Variants in FASN observed in about 807,000 individuals in gnomAD.
FASN encodes fatty acid synthase.
FASN carries 50 observed loss-of-function variants against 250.0 expected under a neutral mutation model. The ratio of observed to expected loss-of-function variants is 0.20; its 90% CI spans 0.16 to 0.25. The LOEUF is 0.25. FASN is among the 10% of genes least tolerant of loss of function. FASN has a pLI of 1.00. For missense variants in FASN, 3,031 were observed against 3,498.5 expected, an observed-to-expected ratio of 0.87 and a Z score of 3.37; for synonymous variants, 1,909 against 1,584.0, an observed-to-expected ratio of 1.21 and a Z score of -4.87.
intron 1 of FASN, chr17:82,096,856 G>T (rs2034313525): frequency 3.1e-6 from 1 of 326,838 alleles, no homozygotes; most frequent in Non-Finnish European, 6.0e-6. Context: ...GGGGCTCACA[G>T]TGAGGAGCAG....
intron 41 of FASN, chr17:82,079,880 G>A: frequency 1.6e-6 from 1 of 625,784 alleles, no homozygotes; most frequent in South Asian, 2.0e-5. Context: ...GCTAATTTTT[G>A]TATTTTTAGT....
At chr17:82,097,028 C>T (rs891612709) in intron 1 of FASN, among the ~76,000 whole-genome samples, 1 of 152,312 alleles carries the variant, frequency 6.6e-6, no homozygotes, top group East Asian at 1.9e-4. Flanking sequence ...GGTGGGGGCC[C>T]GCTGTCCAGG....
At chr17:82,089,198 G>C (rs1021547500) in intron 13 of FASN, 26 bp from the exon 14 acceptor site, 1 of 1,601,956 alleles carries the variant, frequency 6.2e-7, no homozygotes, top group Admixed American at 1.7e-5. Flanking sequence ...GGTCAGTGCT[G>C]GGTTGTGGGT....
In FASN at chr17:82,090,474, C is replaced by T; in HGVS notation, c.1771G>A (p.Asp591Asn). The T allele has an allele frequency of 6.2e-7, 1 of 1,608,384 alleles. No individual in the cohort carries two copies. ...GCCTCCTCCTGGGACAGGCAGCCGT[C>T]GGCGTAGCCACAGGCCACCTCCCCC... is the stretch of plus-strand genomic sequence containing the variant. ...SLGEVACGYA[D>N]GCLSQEEAVL... Residue 591 changes from aspartate to asparagine, a missense_variant, in exon 11 of 43, where the codon GAC (aspartate) becomes AAC (asparagine). Coordinates refer to ENST00000306749, the MANE Select transcript of FASN (RefSeq NM_004104.5).
chr17:82,091,847 G>C (rs572975121), intron 8 of FASN, among the ~76,000 whole-genome samples, 163 bp from the exon 9 acceptor site: 103 of 152,272 alleles, frequency 6.8e-4, no homozygotes, highest in Non-Finnish European at 1.3e-3. Context: ...ACAGGGGTCC[G>C]AGGACTGAGC....
At chr17:82,081,900 CA>C in intron 36 of FASN, 57 bp from the exon 37 acceptor site, 2 of 339,186 alleles carry the variant, frequency 5.9e-6, no homozygotes, top group Non-Finnish European at 9.6e-6. Flanking sequence ...GGGGAGTGGC[CA>C]CTGGGAGAGG....
At position 82,086,008 on chromosome 17, in the gene FASN, C is replaced by T. The variant is rs537503160; in HGVS notation, c.3733-137G>A. ...CTGATGACGGTGCCAGCCATGGGCA[C>T]GCATGGATGCCACTGGTCTTGTCCC... On this transcript the variant is annotated intron_variant, in intron 22 of 42. Transcript: ENST00000306749. 66 of 1,235,500 alleles carry T rather than the reference C, an allele frequency of 5.3e-5. No homozygotes were observed. The East Asian group carries it at 8.1e-4, about 15-fold the overall frequency. The allele number at this position is 1,235,500 out of a possible 1,614,324, so 76.5% of individuals were successfully genotyped here.
chr17:82,091,661 C>A lies in FASN; in HGVS notation c.1053G>T (p.Gly351=). Residue 351 remains glycine, a synonymous_variant, in exon 9 of 43, where the codon GGG becomes GGT. Coordinates refer to ENST00000306749, the MANE Select transcript of FASN (RefSeq NM_004104.5). Reference sequence around the variant, plus strand: ...GGAAGTGCAGGTTGGGGGCCCAGAGCCCGTGCTCCAGGGACAGCAGCACCT... The same window carrying A: ...GGAAGTGCAGGTTGGGGGCCCAGAGACCGTGCTCCAGGGACAGCAGCACCT... ...LAKVLLSLEH[G]LWAPNLHFHS... 3 of 1,591,006 alleles carry A rather than the reference C, an allele frequency of 1.9e-6. No homozygotes were observed. Among genetic ancestry groups the A allele is most frequent in the South Asian group, 2.3e-5 (2 of 87,554 alleles).
chr17:82,093,972 C>G (rs1040366954), intron 3 of FASN: 9 of 634,476 alleles, frequency 1.4e-5, no homozygotes, highest in African/African-American at 5.4e-5. Flanking sequence ...CTGTGGCCAG[C>G]AGCCAGCCCA....
chr17:82,080,461 G>C lies in FASN; in HGVS notation c.6956C>G (p.Ser2319Cys). ...YGACVAFEMC[S>C]QLQAQQSPAP... ...TGGGCTCTGCTGGGCCTGCAGCTGG[G>C]AGCACATTTCAAAGGCCACGCAGGC... is the stretch of plus-strand genomic sequence containing the variant. The change falls in exon 40 of 43, where the codon TCC (serine) becomes TGC (cysteine). Residue 2319 changes from serine (S) to cysteine (C), a missense_variant. Ser to Cys is a moderately radical substitution (Grantham distance 112). Transcript: ENST00000306749. 6.3e-7 allele frequency: 1 copy of C among 1,589,360 alleles called. No homozygotes were observed. Among genetic ancestry groups the C allele is most frequent in the Non-Finnish European group, 8.6e-7 (1 of 1,168,668 alleles).
chr17:82,088,631 CA>C, intron 15 of FASN, 69 bp from the exon 16 acceptor site: 2 of 1,546,644 alleles, frequency 1.3e-6, no homozygotes, highest in Non-Finnish European at 1.8e-6. Flanking sequence ...TCAGCCCACC[CA>C]CTGCCTGCGG....
rs1433832321 is a variant in FASN, at chr17:82,082,915, T to C, written c.5766A>G (p.Thr1922=). ...CCACAAGCACCCCTGCCGACTCACC[T>C]GTCCGGATCCCGGAGCGAGAAGTCA... ...LVLTSRSGIR[T]GYQAKQVRRW... is the part of the protein sequence containing the mutation. Residue 1922 remains threonine (T), a splice_region_variant and synonymous_variant, in exon 33 of 43, where the codon ACA becomes ACG. Transcript: ENST00000306749. 2 of 1,612,686 alleles carry C rather than the reference T, an allele frequency of 1.2e-6. No homozygotes were observed. The highest frequency in any genetic ancestry group is 1.7e-6 in the Non-Finnish European group (2 of 1,179,930).
rs867478422 is a variant in FASN at position 82,081,346 on chromosome 17, C to T, written c.6413G>A (p.Arg2138His). ...GTCCAGGTTGACAGCAGCCAAGTCG[C>T]GGATGCCTGGAAGGGATGCGCCGGG... ...VEAVAHILGI[R>H]DLAAVNLDSS... Residue 2138 changes from arginine to histidine, a missense_variant, in exon 38 of 43, where the codon CGC (arginine) becomes CAC (histidine). By Grantham distance (29) the Arg-to-His change is conservative (BLOSUM62 0). Coordinates refer to ENST00000306749, the MANE Select transcript of FASN (RefSeq NM_004104.5). The T allele has an allele frequency of 3.8e-6, 6 of 1,559,074 alleles. No homozygotes were observed. The highest frequency in any genetic ancestry group is 2.1e-4 in the Middle Eastern group (1 of 4,810).
chr17:82,082,885 C>A, intron 33 of FASN, 29 bp downstream of exon 33: 1 of 1,611,312 alleles, frequency 6.2e-7, no homozygotes, highest in Non-Finnish European at 8.5e-7. Flanking sequence ...CTGGCCCAGG[C>A]TGGTCCACAA....
In FASN at chr17:82,095,377, T is replaced by C; in HGVS notation, c.223A>G (p.Met75Val). ...AGCAGCAGCCGCAGCTGAGGGTCCATCGTGTGTGCCTGCTTGGGGTGGACT... is the reference window on the plus strand; with the variant it reads ...AGCAGCAGCCGCAGCTGAGGGTCCACCGTGTGTGCCTGCTTGGGGTGGACT... The part of the protein sequence containing the change: ...FGVHPKQAHT[M>V]DPQLRLLLEV... Residue 75 changes from methionine to valine, a missense_variant, in exon 3 of 43, where the codon ATG (methionine) becomes GTG (valine). Coordinates refer to ENST00000306749, the MANE Select transcript of FASN (RefSeq NM_004104.5). The C allele has an allele frequency of 6.2e-7, 1 of 1,612,986 alleles. No homozygotes were observed. Among genetic ancestry groups the C allele is most frequent in the Non-Finnish European group, 8.5e-7 (1 of 1,180,008 alleles).
rs376151015 is a variant in FASN at position 82,083,656 on chromosome 17, G to A, written c.5219-17C>T. The A allele has an allele frequency of 9.9e-5, 159 of 1,604,596 alleles. No homozygotes were observed. The highest frequency in any genetic ancestry group is 1.3e-4 in the Non-Finnish European group (151 of 1,176,732). Reference sequence around the variant, plus strand: ...GGTCAACGCCTAGGGGGCCAGAGGGGCCAGACAATCACACCCACTGCAAGC... The same window carrying A: ...GGTCAACGCCTAGGGGGCCAGAGGGACCAGACAATCACACCCACTGCAAGC... On this transcript the variant is annotated splice_polypyrimidine_tract_variant and intron_variant, in intron 30 of 42. Coordinates refer to ENST00000306749, the MANE Select transcript of FASN (RefSeq NM_004104.5).
In FASN at chr17:82,084,071, C is replaced by T. The variant is rs766731567; in HGVS notation, c.5002G>A (p.Gly1668Arg). Residue 1668 changes from glycine (G) to arginine (R), a missense_variant, in exon 29 of 43, where the codon GGG (glycine) becomes AGG (arginine). Physicochemically the swap from Gly to Arg is moderately radical, Grantham distance 125 (BLOSUM62 -2). Transcript: ENST00000306749. ...ALVVRGRVRP[G>R]ETLLIHSGSG... The stretch of plus-strand genomic sequence containing the variant: ...CCCGAGTGGATGAGCAGCGTCTCCC[C>T]GGGGCGCACCCGCCCACGCACCACC... The T allele has an allele frequency of 1.1e-5, 17 of 1,552,302 alleles. No homozygotes were observed. Among genetic ancestry groups the T allele is most frequent in the South Asian group, 3.6e-5 (3 of 84,498 alleles).
At chr17:82,082,883 G>A in intron 33 of FASN, 31 bp downstream of exon 33, 1 of 1,611,000 alleles carries the variant, frequency 6.2e-7, no homozygotes, top group South Asian at 1.1e-5. Context: ...GCCTGGCCCA[G>A]GCTGGTCCAC....
chr17:82,093,319 C>G lies in FASN; in HGVS notation c.555G>C (p.Val185=), dbSNP rs556347422. ...GCTTCAGCAGGACATTGATGCCCCC[C>G]ACGATGGCGGCAGGGCACTGCCCGC... ...IHSGQCPAAI[V]GGINVLLKPN... Residue 185 remains valine (V), a synonymous_variant, in exon 5 of 43, where the codon GTG becomes GTC. Transcript: ENST00000306749. 6.2e-7 allele frequency: 1 copy of G among 1,600,410 alleles called. No homozygotes were observed. The highest frequency in any genetic ancestry group is 2.3e-5 in the East Asian group (1 of 44,422).
Sources: allele counts gnomAD v4.1 joint callset (sites outside exome capture counted in the v4.1 genomes callset), GRCh38; gene constraint gnomAD v4.1.1; transcripts MANE v1.5; gene names NCBI Gene and HGNC (gene_info 2026-07-23, HGNC 2026-07-21).